Variants in CUX1 observed in about 807,000 individuals in gnomAD.
The protein encoded by CUX1 is protein CASP.
Under a neutral mutation model 158.8 loss-of-function variants are expected in CUX1, and 31 were observed. That is an observed-to-expected ratio of 0.20 (90% CI 0.15 to 0.26). The LOEUF is 0.26. Ranked by LOEUF, CUX1 falls within the 10% of genes least tolerant of loss-of-function variation. CUX1 has a pLI of 1.00. For synonymous variants in CUX1, 879 were observed against 862.1 expected, an observed-to-expected ratio of 1.02 and a Z score of -0.34; for missense variants, 1,589 against 2,014.6, an observed-to-expected ratio of 0.79 and a Z score of 4.04.
chr7:102,138,252 T>G (rs1834104444), intron 8 of CUX1, among the ~76,000 whole-genome samples: 1 of 152,234 alleles, frequency 6.6e-6, no homozygotes, highest in Non-Finnish European at 1.5e-5. Flanking sequence ...CTTTTTGGAT[T>G]TTTAAAAAAT....
At chr7:102,262,429 T>TGGATGGATGGATG (rs1554544083), downstream of CUX1, among the ~76,000 whole-genome samples, 83 of 124,980 alleles carry the variant, frequency 6.6e-4, no homozygotes, top group Middle Eastern at 9.0e-3. Flanking sequence ...GATGGATGGA[T>TGGATGGATGGATG]AACTCACAGG....
At chr7:101,816,424 C>T (rs1428051460), upstream of CUX1, among the ~76,000 whole-genome samples, 6 of 141,160 alleles carry the variant, frequency 4.3e-5, no homozygotes, top group East Asian at 2.2e-4. Flanking sequence ...CCGCCGCCAG[C>T]GCCGCCGCCG....
At chr7:102,044,729 A>G (rs1420704815) in intron 3 of CUX1, among the ~76,000 whole-genome samples, 4 of 151,916 alleles carry the variant, frequency 2.6e-5, no homozygotes, top group Non-Finnish European at 5.9e-5. Context: ...GCGAGCATCT[A>G]CTTTGGTTCC....
intron 8 of CUX1, among the ~76,000 whole-genome samples, chr7:102,127,656 C>T (rs1832792507): frequency 6.6e-6 from 1 of 152,088 alleles, no homozygotes; most frequent in African/African-American, 2.4e-5. Flanking sequence ...GTGCATACTG[C>T]ATAACATTCC....
At chr7:102,173,398 G>C (rs1169850171) in intron 10 of CUX1, among the ~76,000 whole-genome samples, 1 of 152,128 alleles carries the variant, frequency 6.6e-6, no homozygotes, top group Non-Finnish European at 1.5e-5. Context: ...AGTGTTCCTG[G>C]ATGTAGAGAA....
At chr7:102,282,815 C>A (rs201979705) in intron 22 of CUX1, 9 of 1,513,852 alleles carry the variant, frequency 5.9e-6, no homozygotes, top group Non-Finnish European at 8.1e-6. Flanking sequence ...AGCCCCACAG[C>A]GAGCTCCCAG....
At chr7:102,131,819 C>T (rs892504464) in intron 8 of CUX1, among the ~76,000 whole-genome samples, 12 of 151,698 alleles carry the variant, frequency 7.9e-5, no homozygotes, top group South Asian at 4.2e-4. Flanking sequence ...ATTACAGGCG[C>T]GCACCACCAT....
At chr7:102,057,128 C>G (rs2130259421) in intron 3 of CUX1, among the ~76,000 whole-genome samples, 1 of 151,990 alleles carries the variant, frequency 6.6e-6, no homozygotes, top group South Asian at 2.1e-4. Context: ...GTCTCGATCT[C>G]CTGACCTCGT....
intron 20 of CUX1, among the ~76,000 whole-genome samples, chr7:102,220,138 A>T (rs1797665163): frequency 6.6e-6 from 1 of 152,214 alleles, no homozygotes; most frequent in Non-Finnish European, 1.5e-5. Flanking sequence ...AGGCAGGCAG[A>T]TCACTTGAGG....
chr7:102,195,607 G>T lies in CUX1; in HGVS notation c.1222+4G>T, dbSNP rs1794722803. On this transcript the variant is annotated splice_donor_region_variant and intron_variant, in intron 14 of 23. Coordinates refer to ENST00000292535, the MANE Select transcript of CUX1 (RefSeq NM_181552.4). The stretch of plus-strand genomic sequence containing the variant: ...ATCTCCAACAGCGACCTGAGCGGTA[G>T]GTTGGCCGGGCTTCGCGCGTGTGCG... 6.2e-7 allele frequency: 1 copy of T among 1,602,082 alleles called. No individual in the cohort carries two copies.
chr7:102,264,367 A>G (rs1383169896), intron 14 of CUX1, among the ~76,000 whole-genome samples: 1 of 152,196 alleles, frequency 6.6e-6, no homozygotes, highest in African/African-American at 2.4e-5. Context: ...AGATGTGAGA[A>G]GGAAGGACGT....
chr7:101,999,348 G>A (rs990764678), intron 2 of CUX1, among the ~76,000 whole-genome samples: 3 of 147,782 alleles, frequency 2.0e-5, no homozygotes, highest in South Asian at 2.2e-4. Flanking sequence ...GAGCCACCGC[G>A]CCTGGCCGAT....
chr7:102,031,259 A>T (rs543836460), intron 3 of CUX1, among the ~76,000 whole-genome samples: 3 of 152,070 alleles, frequency 2.0e-5, no homozygotes, highest in Non-Finnish European at 2.9e-5. Context: ...GGATTTCACC[A>T]TGTTGATCAG....
intron 1 of CUX1, among the ~76,000 whole-genome samples, chr7:101,877,720 T>A (rs1799292775): frequency 6.7e-6 from 1 of 149,356 alleles, no homozygotes; most frequent in African/African-American, 2.5e-5. Context: ...CAGTGTTTCT[T>A]ACACTTTTCA....
rs147538924 is a variant in CUX1, at chr7:102,205,133, G to A, written c.3093G>A (p.Ser1031=). The A allele has an allele frequency of 9.3e-6, 15 of 1,611,478 alleles. No homozygotes were observed. The highest frequency in any genetic ancestry group is 5.5e-5 in the South Asian group (5 of 91,000). Residue 1031 remains serine (S), a synonymous_variant, in exon 20 of 24, where the codon TCG becomes TCA. Coordinates refer to ENST00000292535, the MANE Select transcript of CUX1 (RefSeq NM_181552.4). The part of the protein sequence containing the change: ...QQGPVLHSVT[S]LQDPLQQGCV... ...CTTTAGTCCTCCACTCCGTGACATC[G>A]CTCCAGGACCCGCTGCAGCAGGGCT...
chr7:101,848,673 G>T (rs893469055), intron 1 of CUX1, among the ~76,000 whole-genome samples: 1 of 151,916 alleles, frequency 6.6e-6, no homozygotes, highest in Non-Finnish European at 1.5e-5. Context: ...TAACCATAAG[G>T]ATCAGAAAAA....
At chr7:101,988,692 G>A (rs1196317931) in intron 2 of CUX1, among the ~76,000 whole-genome samples, 3 of 152,046 alleles carry the variant, frequency 2.0e-5, no homozygotes, top group Admixed American at 1.3e-4. Context: ...GGTTCCTTGC[G>A]ACAGAGTCCT....
intron 1 of CUX1, among the ~76,000 whole-genome samples, chr7:101,825,881 G>A (rs558650908): frequency 1.1e-4 from 16 of 151,446 alleles, no homozygotes; most frequent in African/African-American, 3.6e-4. Flanking sequence ...TGAGTGCGTC[G>A]TCTTTTACTT....
In CUX1 at chr7:102,095,162, G is replaced by T. The variant is rs185044102; in HGVS notation, c.269-2202G>T. 2.5e-3 allele frequency among the ~76,000 whole-genome samples: 380 copies of T among 152,034 alleles called. 1 individual carries two copies. The highest frequency in any genetic ancestry group is 4.1e-3 in the Non-Finnish European group (276 of 67,982). On this transcript the variant is annotated intron_variant, in intron 4 of 23. Coordinates refer to ENST00000292535, the MANE Select transcript of CUX1 (RefSeq NM_181552.4). The stretch of plus-strand genomic sequence containing the variant: ...CTACAGGGGTATGCCACCATGCCTG[G>T]CTAGTTTTTTGGTTTGTGTTTTTGT...
Sources: gnomAD v4.1 joint callset for allele counts (sites outside exome capture counted in the v4.1 genomes callset) on GRCh38, gnomAD v4.1.1 for gene constraint, MANE v1.5 for transcripts, NCBI Gene and HGNC (gene_info 2026-07-23, HGNC 2026-07-21) for gene names.